The following LRP1B variants were observed in gnomAD, a reference collection of about 807,000 sequenced individuals.
LRP1B encodes the protein low-density lipoprotein receptor-related protein 1B.
In LRP1B, 217 loss-of-function variants were observed where a neutral mutation model predicts 556.6. The observed-to-expected ratio is 0.39, with a 90% CI of 0.35 to 0.44. The LOEUF is 0.44. Ranked by LOEUF, LRP1B falls within the 20% of genes least tolerant of loss-of-function variation. The probability of loss-of-function intolerance (pLI) is 1.00; values close to 1 mark genes in which losing one functional copy is unlikely to be tolerated. For synonymous variants in LRP1B, 2,047 were observed against 1,865.8 expected (o/e 1.10, Z -2.50); for missense variants, 5,053 against 5,620.8 (o/e 0.90, Z 3.23).
chr2:140,594,749 G>A (rs1682364001), intron 43 of LRP1B, among the ~76,000 whole-genome samples: 1 of 152,016 alleles, frequency 6.6e-6, no homozygotes, highest in African/African-American at 2.4e-5. Flanking sequence ...TTTACCCAAA[G>A]TTAGAAAATA....
intron 86 of LRP1B, among the ~76,000 whole-genome samples, chr2:140,254,291 T>G (rs1180641983): frequency 6.6e-6 from 1 of 152,172 alleles, no homozygotes; most frequent in Non-Finnish European, 1.5e-5. Context: ...TCAGGAGGTG[T>G]TATTACAAGG....
chr2:141,954,890 G>C (rs1019311713), intron 1 of LRP1B, among the ~76,000 whole-genome samples: 1 of 152,040 alleles, frequency 6.6e-6, no homozygotes, highest in Non-Finnish European at 1.5e-5. Flanking sequence ...ATATGGTTGT[G>C]TAGATATTTT....
intron 32 of LRP1B, among the ~76,000 whole-genome samples, chr2:140,806,059 G>T (rs564801344): frequency 9.6e-5 from 11 of 114,128 alleles, no homozygotes; most frequent in African/African-American, 2.9e-4. Context: ...TCCCCAGAGA[G>T]CTCTTTCTCT....
intron 7 of LRP1B, among the ~76,000 whole-genome samples, chr2:141,161,831 T>C (rs1171568796): frequency 2.0e-5 from 3 of 152,014 alleles, no homozygotes; most frequent in African/African-American, 7.2e-5. Flanking sequence ...CACCCACCTG[T>C]GTCTACCCCT....
intron 2 of LRP1B, among the ~76,000 whole-genome samples, chr2:141,728,154 TAG>T (rs1693116701): frequency 6.6e-6 from 1 of 152,100 alleles, no homozygotes; most frequent in African/African-American, 2.4e-5. Context: ...AAGAAGAGTG[TAG>T]AGAGAAAGGA....
At chr2:141,944,452 A>G (rs1700899455) in intron 1 of LRP1B, among the ~76,000 whole-genome samples, 1 of 152,130 alleles carries the variant, frequency 6.6e-6, no homozygotes, top group Admixed American at 6.5e-5. Flanking sequence ...TAGTGTGTGG[A>G]CCTTGCTGGA....
At chr2:140,318,717 C>G (rs1361455831) in intron 82 of LRP1B, among the ~76,000 whole-genome samples, 1 of 152,000 alleles carries the variant, frequency 6.6e-6, no homozygotes, top group Non-Finnish European at 1.5e-5. Flanking sequence ...TGACGATTAA[C>G]AGAGTGGACC....
At chr2:140,487,542 A>G (rs1476117575) in intron 58 of LRP1B, 75 bp downstream of exon 58, 6 of 1,419,482 alleles carry the variant, frequency 4.2e-6, no homozygotes, top group East Asian at 2.3e-5. Flanking sequence ...TCATGGTCAT[A>G]AAATAACATT....
intron 35 of LRP1B, among the ~76,000 whole-genome samples, chr2:140,762,045 A>G (rs1388577866): frequency 6.6e-6 from 1 of 152,084 alleles, no homozygotes; most frequent in Non-Finnish European, 1.5e-5. Context: ...AAGCTGTGCC[A>G]TGAGTCTTCT....
Position 140,886,248 on chromosome 2 carries a change from G to C in LRP1B, c.3854C>G (p.Pro1285Arg), listed in dbSNP as rs868008387. ...LHKRDYSLLV[P>R]GLRNTIALDF... ...AAGTGCTATTGTGTTTCTCAATCCAGGAACAAGTAGACTATAGTCTCTTTT... is the reference window on the plus strand; with the variant it reads ...AAGTGCTATTGTGTTTCTCAATCCACGAACAAGTAGACTATAGTCTCTTTT... Residue 1285 changes from proline to arginine, a missense_variant, in exon 24 of 91, where the codon CCT becomes CGT. Pro to Arg is a moderately radical substitution (Grantham distance 103). This residue lies in a region of LRP1B where 3,619 missense variants were observed against 3,931.9 expected (regional missense o/e 0.92). Coordinates refer to ENST00000389484, the MANE Select transcript of LRP1B (RefSeq NM_018557.3). 1 of 1,609,732 alleles carries C rather than the reference G, an allele frequency of 6.2e-7. No homozygotes were observed. The highest frequency in any genetic ancestry group is 8.5e-7 in the Non-Finnish European group (1 of 1,176,740).
At chr2:142,094,314 G>T (rs1001277623) in intron 1 of LRP1B, among the ~76,000 whole-genome samples, 1 of 151,942 alleles carries the variant, frequency 6.6e-6, no homozygotes, top group African/African-American at 2.4e-5. Context: ...TTTTGATTAT[G>T]ACTTAATGTG....
chr2:141,761,683 C>A (rs1376168841), intron 2 of LRP1B, among the ~76,000 whole-genome samples: 1 of 152,108 alleles, frequency 6.6e-6, no homozygotes, highest in Non-Finnish European at 1.5e-5. Context: ...TGACTGAATG[C>A]ATCACTTTAT....
chr2:140,358,561 T>C (rs1055973695), intron 73 of LRP1B, among the ~76,000 whole-genome samples: 1 of 151,674 alleles, frequency 6.6e-6, no homozygotes, highest in African/African-American at 2.4e-5. Context: ...ACAAGGAGCA[T>C]TTAAAAATCT....
intron 41 of LRP1B, among the ~76,000 whole-genome samples, chr2:140,626,706 A>T (rs1194457465): frequency 1.1e-4 from 5 of 46,192 alleles, no homozygotes; most frequent in Non-Finnish European, 1.5e-4. Context: ...CCATTTAAAA[A>T]AAAAAAAAAA....
chr2:140,312,690 G>T (rs1684358318), intron 83 of LRP1B, among the ~76,000 whole-genome samples: 5 of 151,666 alleles, frequency 3.3e-5, no homozygotes, highest in African/African-American at 1.2e-4. Context: ...TGGCCTACAT[G>T]AATCCTTATT....
rs536384647 is a variant in LRP1B, at chr2:140,920,522, G to A, written c.3319+2443C>T. ...GGGTAGTTTAAAGGTCTTATAGCTT[G>A]TAAAACTGAGAATTTAAAGTAAATG... On this transcript the variant is annotated intron_variant, in intron 21 of 90. Coordinates refer to ENST00000389484, the MANE Select transcript of LRP1B (RefSeq NM_018557.3). Among the ~76,000 whole-genome samples the A allele has an allele frequency of 2.0e-3, 301 of 152,106 alleles. 1 individual carries two copies. Among genetic ancestry groups the A allele is most frequent in the African/African-American group, 6.6e-3 (275 of 41,542 alleles).
At chr2:141,911,515 G>GAA (rs1277377694) in intron 1 of LRP1B, among the ~76,000 whole-genome samples, 1 of 151,920 alleles carries the variant, frequency 6.6e-6, no homozygotes, top group Non-Finnish European at 1.5e-5. Flanking sequence ...ATCCATTTTT[G>GAA]AAAAAATATA....
chr2:140,526,373 A>C (rs765907375), intron 47 of LRP1B, 23 bp from the exon 48 acceptor site: 1 of 1,341,822 alleles, frequency 7.5e-7, no homozygotes, highest in South Asian at 1.2e-5. Flanking sequence ...GTACATAAAC[A>C]AATGCAAAGA....
chr2:141,731,045 G>A (rs1467603262), intron 2 of LRP1B, among the ~76,000 whole-genome samples: 1 of 152,160 alleles, frequency 6.6e-6, no homozygotes, highest in Non-Finnish European at 1.5e-5. Flanking sequence ...GAGAAATGTG[G>A]TTGGGAACAG....
Sources: allele counts gnomAD v4.1 joint callset (sites outside exome capture counted in the v4.1 genomes callset), GRCh38; gene constraint gnomAD v4.1.1; regional missense constraint gnomAD v4.1.1; transcripts MANE v1.5; gene names NCBI Gene and HGNC (gene_info 2026-07-23, HGNC 2026-07-21).